Variants in SYCP2 observed in about 807,000 individuals in gnomAD.
SYCP2 encodes the protein synaptonemal complex protein 2.
A neutral mutation model predicts 211.3 loss-of-function variants in SYCP2; 55 were observed. The ratio of observed to expected loss-of-function variants is 0.26; its 90% confidence interval spans 0.21 to 0.33. The LOEUF (loss-of-function observed/expected upper bound fraction) is 0.33. SYCP2 is among the 10% of genes least tolerant of loss of function. The pLI is 1.00. For missense variants in SYCP2, 1,731 were observed against 1,752.0 expected (o/e 0.99, Z 0.21); for synonymous variants, 570 against 555.2 (o/e 1.03, Z -0.37).
chr20:59,925,485 T>C (rs972648712), intron 2 of SYCP2, among the ~76,000 whole-genome samples: 1 of 152,110 alleles, frequency 6.6e-6, no homozygotes, highest in African/African-American at 2.4e-5. Context: ...CTCTTGTACA[T>C]TATTCACATG....
At chr20:59,894,534 T>C (rs1429966159) in intron 20 of SYCP2, among the ~76,000 whole-genome samples, 1 of 152,044 alleles carries the variant, frequency 6.6e-6, no homozygotes, top group Non-Finnish European at 1.5e-5. Context: ...CTCATCTTAC[T>C]ATTAACACCA....
chr20:59,907,864 T>C (rs2060241227), intron 14 of SYCP2, among the ~76,000 whole-genome samples: 1 of 152,216 alleles, frequency 6.6e-6, no homozygotes, highest in African/African-American at 2.4e-5. Context: ...TGCGCATGAA[T>C]AATAACCTAA....
chr20:59,868,493 T>C lies in SYCP2; in HGVS notation c.3908A>G (p.Glu1303Gly), dbSNP rs1213239500. 2 of 1,611,318 alleles carry C rather than the reference T, an allele frequency of 1.2e-6. No homozygotes were observed. Among genetic ancestry groups the C allele is most frequent in the Non-Finnish European group, 8.5e-7 (1 of 1,178,472 alleles). Residue 1303 changes from glutamate (E) to glycine (G), a missense_variant, in exon 38 of 45, where the codon GAA (glutamate) becomes GGA (glycine). Glu to Gly is a moderately conservative substitution (Grantham distance 98). Transcript: ENST00000357552. ...NLSNSNEVEMEEKGERRANLL... is the reference protein window; with the variant it reads ...NLSNSNEVEMGEKGERRANLL... Reference sequence around the variant, plus strand: ...GTTTGCTCTCCTTTCTCCTTTCTCTTCCATTTCTACTTCATTGGAATTACT... The same window carrying C: ...GTTTGCTCTCCTTTCTCCTTTCTCTCCCATTTCTACTTCATTGGAATTACT...
intron 18 of SYCP2, among the ~76,000 whole-genome samples, chr20:59,897,762 G>C (rs2060037620): frequency 6.6e-6 from 1 of 152,054 alleles, no homozygotes; most frequent in Non-Finnish European, 1.5e-5. Context: ...AGTAAAAACT[G>C]AAATAATCAG....
chr20:59,916,090 C>T (rs1418748820), intron 8 of SYCP2, among the ~76,000 whole-genome samples: 1 of 152,050 alleles, frequency 6.6e-6, no homozygotes, highest in African/African-American at 2.4e-5. Context: ...ATACTTAAAG[C>T]ACTTGTACTT....
chr20:59,931,139 C>T (rs1001322512), intron 2 of SYCP2, among the ~76,000 whole-genome samples: 2 of 152,184 alleles, frequency 1.3e-5, no homozygotes, highest in African/African-American at 4.8e-5. Flanking sequence ...ATAGCCTTGG[C>T]TGGTGGCTTA....
intron 35 of SYCP2, among the ~76,000 whole-genome samples, chr20:59,870,471 C>A: frequency 6.6e-6 from 1 of 150,584 alleles, no homozygotes; most frequent in Non-Finnish European, 1.5e-5. Context: ...AAAAGAAGAC[C>A]CATAAAATAC....
At position 59,900,747 on chromosome 20, in the gene SYCP2, T is replaced by TG. The variant is rs1308486724; in HGVS notation, c.1253dup (p.Gln419ThrfsTer18). 1 of 1,612,218 alleles carries TG rather than the reference T, an allele frequency of 6.2e-7. No individual in the cohort carries two copies. The highest frequency in any genetic ancestry group is 2.2e-5 in the East Asian group (1 of 44,796). On this transcript the variant is annotated frameshift_variant, in exon 17 of 45. Transcript: ENST00000357552. LOFTEE classifies it high-confidence loss of function. ...ATCAAGTAAGTCTGAGACATACCTG[T>TG]GATCCACTTGCGTCAAAAAGTATAT...
chr20:59,911,876 T>C, intron 13 of SYCP2, 31 bp from the exon 14 acceptor site: 1 of 1,149,466 alleles, frequency 8.7e-7, no homozygotes, highest in South Asian at 1.6e-5. Flanking sequence ...AACTGGAATA[T>C]ACAATGATTT....
Position 59,865,580 on chromosome 20 carries a change from G to A in SYCP2, c.4451C>T (p.Thr1484Ile). The A allele has an allele frequency of 1.2e-6, 2 of 1,600,134 alleles. No homozygotes were observed. The highest frequency in any genetic ancestry group is 2.2e-5 in the East Asian group (1 of 44,612). The change falls in exon 43 of 45, where the codon ACA (threonine) becomes ATA (isoleucine). Residue 1484 changes from threonine (T) to isoleucine (I), a missense_variant. Thr to Ile is a moderately conservative substitution (Grantham distance 89). Transcript: ENST00000357552. ...AAAGCATAAAATTTATACCTCGGAT[G>A]TAAAAACAGTTTCTTCACTATCAGT... Reference protein sequence around the residue: ...CNTDSEETVFTSEMCLMKEDM... With the variant: ...CNTDSEETVFISEMCLMKEDM...
At position 59,881,039 on chromosome 20, in the gene SYCP2, GTATT is replaced by G; in HGVS notation, c.2715-20_2715-17del. 7.1e-7 allele frequency: 1 copy of G among 1,400,294 alleles called. No homozygotes were observed. Among genetic ancestry groups the G allele is most frequent in the Non-Finnish European group, 9.9e-7 (1 of 1,014,958 alleles). 86.7% of individuals were successfully genotyped at this position (1,400,294 alleles called of 1,614,324 possible). A position where few individuals can be genotyped will look rare whatever the true frequency, so the allele number is the denominator to read the frequency against. ...TGGACCTACCCTTAAACAAAAATAT[GTATT>G]AATTAAAAAATACCCTTCATACTTG... On this transcript the variant is annotated splice_polypyrimidine_tract_variant and intron_variant, in intron 29 of 44. Coordinates refer to ENST00000357552, the MANE Select transcript of SYCP2 (RefSeq NM_014258.4).
Position 59,867,902 on chromosome 20 carries a change from C to T in SYCP2, c.3989-55G>A. ...AAAATATGCATTACTCTAAATTTAG[C>T]CTTGTAATTAGGCTAAGAACAAAAT... On this transcript the variant is annotated intron_variant, in intron 38 of 44. Coordinates refer to ENST00000357552, the MANE Select transcript of SYCP2 (RefSeq NM_014258.4). The T allele has an allele frequency of 3.7e-6, 5 of 1,357,016 alleles. No individual in the cohort carries two copies. In the South Asian group the frequency reaches 6.4e-5, roughly 17 times the overall value. The allele number at this position is 1,357,016 out of a possible 1,614,324, so 84.1% of individuals were successfully genotyped here.
chr20:59,869,486 G>A (rs1164014464), intron 36 of SYCP2, among the ~76,000 whole-genome samples: 1 of 151,618 alleles, frequency 6.6e-6, no homozygotes, highest in African/African-American at 2.4e-5. Flanking sequence ...ATGCTGGCAG[G>A]AAGTTCAACC....
At chr20:59,924,489 A>G (rs1359122351) in intron 2 of SYCP2, among the ~76,000 whole-genome samples, 1 of 151,962 alleles carries the variant, frequency 6.6e-6, no homozygotes, top group Non-Finnish European at 1.5e-5. Context: ...GATTGTCCTC[A>G]AAGGATCAGT....
intron 2 of SYCP2, among the ~76,000 whole-genome samples, chr20:59,930,674 A>G (rs2060721933): frequency 6.6e-6 from 1 of 152,206 alleles, no homozygotes; most frequent in Non-Finnish European, 1.5e-5. Flanking sequence ...TGGACTCTTT[A>G]GACAGTAAGC....
Position 59,865,802 on chromosome 20 carries a change from C to G in SYCP2, c.4379+5G>C. The G allele has an allele frequency of 7.2e-7, 1 of 1,396,978 alleles. No homozygotes were observed. Among genetic ancestry groups the G allele is most frequent in the Non-Finnish European group, 9.5e-7 (1 of 1,048,574 alleles). 86.5% of individuals were successfully genotyped at this position (1,396,978 alleles called of 1,614,324 possible). A position where few individuals can be genotyped will look rare whatever the true frequency, so the allele number is the denominator to read the frequency against. On this transcript the variant is annotated splice_donor_5th_base_variant and intron_variant, in intron 42 of 44. Coordinates refer to ENST00000357552, the MANE Select transcript of SYCP2 (RefSeq NM_014258.4). ...GATTATAGCCATTAAGAATGTCATACTAACCTCTGTTGTTCGCTTTTTTGA... is the reference window on the plus strand; with the variant it reads ...GATTATAGCCATTAAGAATGTCATAGTAACCTCTGTTGTTCGCTTTTTTGA...
chr20:59,878,956 G>GTAGT (rs759493704), intron 31 of SYCP2, among the ~76,000 whole-genome samples: 27 of 152,070 alleles, frequency 1.8e-4, no homozygotes, highest in Non-Finnish European at 3.4e-4. Flanking sequence ...ACATTAACTT[G>GTAGT]TAGTTATTCA....
At chr20:59,914,916 T>C (rs1045827597) in intron 10 of SYCP2, among the ~76,000 whole-genome samples, 1 of 151,976 alleles carries the variant, frequency 6.6e-6, no homozygotes, top group Non-Finnish European at 1.5e-5. Flanking sequence ...AAGCTATTAA[T>C]TTAAGCTATT....
chr20:59,890,509 G>A (rs2059884645), intron 24 of SYCP2, among the ~76,000 whole-genome samples: 1 of 151,914 alleles, frequency 6.6e-6, no homozygotes, highest in South Asian at 2.1e-4. Context: ...TAACAAAACT[G>A]CACGTTCTGC....
Sources: gnomAD v4.1 joint callset for allele counts (sites outside exome capture counted in the v4.1 genomes callset) on GRCh38, gnomAD v4.1.1 for gene constraint, MANE v1.5 for transcripts, NCBI Gene and HGNC (gene_info 2026-07-23, HGNC 2026-07-21) for gene names.